Variants in NAV2 observed in about 807,000 individuals in gnomAD.
NAV2 encodes neuron navigator 2, also known as helicase, APC down-regulated 1.
In NAV2, 54 loss-of-function variants were observed where a neutral mutation model predicts 223.2. The ratio of observed to expected loss-of-function variants is 0.24; its 90% CI spans 0.19 to 0.30. The LOEUF (loss-of-function observed/expected upper bound fraction) is 0.30, where lower values mean the gene tolerates loss of function less well. Ranked by LOEUF, NAV2 falls within the 10% of genes least tolerant of loss-of-function variation. The probability of loss-of-function intolerance (pLI) is 1.00; values close to 1 mark genes in which losing one functional copy is unlikely to be tolerated. For synonymous variants in NAV2, 1,279 were observed against 1,239.3 expected, an observed-to-expected ratio of 1.03 and a Z score of -0.67; for missense variants, 2,806 against 3,147.5, an observed-to-expected ratio of 0.89 and a Z score of 2.60.
At chr11:19,561,755 C>T (rs2045105787) in intron 1 of NAV2, among the ~76,000 whole-genome samples, 1 of 152,188 alleles carries the variant, frequency 6.6e-6, no homozygotes, top group African/African-American at 2.4e-5. Context: ...GGACCTCTGC[C>T]TTGCACTCTG....
At chr11:19,992,732 T>A (rs988093644) in intron 11 of NAV2, among the ~76,000 whole-genome samples, 1 of 151,886 alleles carries the variant, frequency 6.6e-6, no homozygotes, top group Non-Finnish European at 1.5e-5. Context: ...GGATTACAGG[T>A]GCACACCACC....
At chr11:19,618,669 G>A (rs112010111) in intron 1 of NAV2, among the ~76,000 whole-genome samples, 474 of 152,250 alleles carry the variant, frequency 3.1e-3, no homozygotes, top group African/African-American at 0.011. Context: ...CATGCAGATG[G>A]GGCCAGACAA....
chr11:19,582,851 G>C (rs1327796281), intron 1 of NAV2, among the ~76,000 whole-genome samples: 1 of 152,124 alleles, frequency 6.6e-6, no homozygotes, highest in African/African-American at 2.4e-5. Flanking sequence ...GATTGACTTG[G>C]CAATGCGGGC....
At position 19,492,038 on chromosome 11, in the gene NAV2, AT is replaced by A. The variant is rs2042646971; in HGVS notation, c.75+141014del. The stretch of plus-strand genomic sequence containing the variant: ...ATGGAGAAGTCAAAACATATATAAC[AT>A]TTATTGATTGATTAAGTTTGCCATC... On this transcript the variant is annotated intron_variant, in intron 1 of 37. Coordinates refer to the NAV2 transcript ENST00000360655. Among the ~76,000 whole-genome samples, 5 of 152,288 alleles carry A rather than the reference AT, an allele frequency of 3.3e-5. No homozygotes were observed. The South Asian group carries it at 8.3e-4, about 25-fold the overall frequency.
At chr11:19,751,489 C>G (rs2053813687) in intron 1 of NAV2, among the ~76,000 whole-genome samples, 1 of 152,322 alleles carries the variant, frequency 6.6e-6, no homozygotes, top group Non-Finnish European at 1.5e-5. Flanking sequence ...TCACTCCACA[C>G]CAACCACATC....
chr11:20,107,435 C>T (rs2062234688), intron 35 of NAV2: 2 of 563,206 alleles, frequency 3.6e-6, no homozygotes, highest in Admixed American at 2.8e-5. Flanking sequence ...GCATCTTCCC[C>T]ATAAAGCCTT....
chr11:20,101,280 G>A, intron 32 of NAV2, 108 bp downstream of exon 32: 1 of 927,976 alleles, frequency 1.1e-6, no homozygotes, highest in Non-Finnish European at 1.6e-6. Flanking sequence ...ATCCTTGGGT[G>A]GTTTTAGAAA....
chr11:19,467,014 CACACAGAGAGAGAGAG>C (rs1852384282), intron 1 of NAV2, among the ~76,000 whole-genome samples: 2 of 139,138 alleles, frequency 1.4e-5, no homozygotes, highest in South Asian at 2.5e-4. Context: ...CACACACACA[CACACAGAGAGAGAGAG>C]AGAGAGAGAG....
chr11:20,102,189 C>G (rs1211808894), intron 32 of NAV2, among the ~76,000 whole-genome samples: 2 of 152,120 alleles, frequency 1.3e-5, no homozygotes, highest in African/African-American at 4.8e-5. Flanking sequence ...GAGCCACATG[C>G]CTGGGGCCCA....
At chr11:20,116,075 G>A (rs1004183717) in intron 37 of NAV2, among the ~76,000 whole-genome samples, 10 of 152,130 alleles carry the variant, frequency 6.6e-5, no homozygotes, top group Admixed American at 3.3e-4. Flanking sequence ...AACCTCCCAT[G>A]GTTAAAGGAC....
intron 1 of NAV2, among the ~76,000 whole-genome samples, chr11:19,555,839 ACCCAGC>A (rs776233000): frequency 1.5e-4 from 22 of 150,406 alleles, no homozygotes; most frequent in African/African-American, 4.7e-4. Context: ...CCTCGAGCCC[ACCCAGC>A]CCCAGCCCCA....
intron 1 of NAV2, among the ~76,000 whole-genome samples, chr11:19,743,604 C>T (rs1236248363): frequency 6.6e-6 from 1 of 152,214 alleles, no homozygotes; most frequent in East Asian, 1.9e-4. Flanking sequence ...TTCTGGGTCT[C>T]AATGAAGGAC....
At chr11:19,506,409 G>T (rs2098105849) in intron 1 of NAV2, 1 of 152,290 alleles carries the variant, frequency 6.6e-6, no homozygotes, top group African/African-American at 2.4e-5. Flanking sequence ...GTGGCATCAA[G>T]AGCCTTTGAG....
intron 3 of NAV2, among the ~76,000 whole-genome samples, chr11:19,844,167 G>C (rs1402358628): frequency 1.3e-5 from 2 of 152,188 alleles, no homozygotes; most frequent in Non-Finnish European, 2.9e-5. Context: ...TTTTGCTGCA[G>C]CTACTGCAGC....
At chr11:19,564,963 T>C (rs993227687) in intron 1 of NAV2, among the ~76,000 whole-genome samples, 3 of 152,150 alleles carry the variant, frequency 2.0e-5, no homozygotes, top group Non-Finnish European at 4.4e-5. Context: ...AGTGAAACCC[T>C]ACCTCTACTA....
chr11:19,844,316 C>T (rs139211856), intron 3 of NAV2, among the ~76,000 whole-genome samples: 1,846 of 152,258 alleles, frequency 0.012, 21 homozygotes, highest in Non-Finnish European at 0.02. Flanking sequence ...TGCAATTGCC[C>T]CAGGCCATTA....
chr11:19,939,902 ACTTT>A lies in NAV2; in HGVS notation c.2146+138_2146+141del, dbSNP rs200794452. On this transcript the variant is annotated intron_variant, in intron 8 of 37. Transcript: ENST00000349880. ...TTTGCATTGACTTTGAGCTAAACAAACTTTCTTTCTTTTTTTTTTTCCTATTATT... is the reference window on the plus strand; with the variant it reads ...TTTGCATTGACTTTGAGCTAAACAAACTTTCTTTTTTTTTTTCCTATTATT... 6.4e-4 allele frequency: 290 copies of A among 450,546 alleles called. 1 individual carries two copies. The highest frequency in any genetic ancestry group is 3.1e-3 in the Middle Eastern group (10 of 3,268). 27.9% of individuals were successfully genotyped at this position (450,546 alleles called of 1,614,324 possible).
chr11:20,097,717 G>A lies in NAV2; in HGVS notation c.6153G>A (p.Glu2051=), dbSNP rs1419451824. 1.9e-6 allele frequency: 3 copies of A among 1,604,388 alleles called. No homozygotes were observed. The highest frequency in any genetic ancestry group is 1.8e-5 in the Admixed American group (1 of 56,944). The change falls in exon 31 of 38, where the codon GAG becomes GAA. Residue 2051 remains glutamate, a synonymous_variant. Coordinates refer to ENST00000349880, the MANE Select transcript of NAV2 (RefSeq NM_145117.5). ...TTCCTTGTGGCTATCTGGTTGGAGAGAACACGACCATCTCAGTGACTGTGA... is the reference window on the plus strand; with the variant it reads ...TTCCTTGTGGCTATCTGGTTGGAGAAAACACGACCATCTCAGTGACTGTGA... ...ELLPCGYLVG[E]NTTISVTVKG... is the part of the protein sequence containing the mutation.
chr11:19,560,687 G>C (rs1186177128), intron 1 of NAV2, among the ~76,000 whole-genome samples: 2 of 152,186 alleles, frequency 1.3e-5, no homozygotes, highest in African/African-American at 4.8e-5. Flanking sequence ...AGAATAATTA[G>C]CTATATGGCC....
Sources: allele counts gnomAD v4.1 joint callset (sites outside exome capture counted in the v4.1 genomes callset), GRCh38; gene constraint gnomAD v4.1.1; transcripts MANE v1.5; gene names NCBI Gene and HGNC (gene_info 2026-07-23, HGNC 2026-07-21).